Variants in MOV10L1 observed in about 807,000 individuals in gnomAD.
MOV10L1 encodes Mov10 like RNA helicase 1, also known as RNA helicase Mov10l1.
A neutral mutation model predicts 143.8 loss-of-function variants in MOV10L1; 110 were observed. That is an observed-to-expected ratio of 0.76 (90% CI 0.66 to 0.90). MOV10L1 has a LOEUF of 0.90. Ranked by LOEUF, MOV10L1 falls within the 40% of genes least tolerant of loss-of-function variation. The pLI, the probability that MOV10L1 is intolerant of heterozygous loss-of-function variation, is 0.00. For missense variants in MOV10L1, 1,406 were observed against 1,526.8 expected, an observed-to-expected ratio of 0.92 and a Z score of 1.32; for synonymous variants, 593 against 581.1, an observed-to-expected ratio of 1.02 and a Z score of -0.29.
chr22:50,135,046 C>A lies in MOV10L1; in HGVS notation c.2070+416C>A, dbSNP rs969491996. On this transcript the variant is annotated intron_variant, in intron 15 of 26. Transcript: ENST00000262794. ...CTTTTTTTTTTGAGACAGAGTCTCG[C>A]TCTGTCACCCAGGCTGGAGTGCAGT... is the stretch of plus-strand genomic sequence containing the variant. Among the ~76,000 whole-genome samples the A allele has an allele frequency of 5.4e-5, 8 of 147,644 alleles. No homozygotes were observed. In the Admixed American group the frequency reaches 5.6e-4, roughly 10 times the overall value.
chr22:50,142,943 C>T, intron 16 of MOV10L1, 100 bp from the exon 17 acceptor site: 1 of 1,126,912 alleles, frequency 8.9e-7, no homozygotes, highest in Non-Finnish European at 1.3e-6. Context: ...CTGATTTAGC[C>T]TTTGCACAGA....
At chr22:50,150,638 TG>T in intron 20 of MOV10L1, 96 bp from the exon 21 acceptor site, 1 of 1,369,622 alleles carries the variant, frequency 7.3e-7, no homozygotes, top group Non-Finnish European at 1.0e-6. Flanking sequence ...AGAGTGAGCA[TG>T]GGGCCATCCT....
chr22:50,135,011 T>C (rs1021023247), intron 15 of MOV10L1, among the ~76,000 whole-genome samples: 1 of 151,982 alleles, frequency 6.6e-6, no homozygotes, highest in Non-Finnish European at 1.5e-5. Context: ...TTTTCTTTTT[T>C]CTTTTCTTTC....
At chr22:50,115,898 G>GA (rs1305528039) in intron 8 of MOV10L1, among the ~76,000 whole-genome samples, 1 of 152,218 alleles carries the variant, frequency 6.6e-6, no homozygotes, top group Non-Finnish European at 1.5e-5. Flanking sequence ...ACAGTGTGCT[G>GA]AGGGAGGGGC....
intron 1 of MOV10L1, chr22:50,090,871 T>TC (rs1302706148): frequency 3.6e-6 from 1 of 281,538 alleles, no homozygotes; most frequent in African/African-American, 2.2e-5. Context: ...GAGGGGGGGT[T>TC]CGCCATGTTG....
chr22:50,142,125 G>C lies in MOV10L1; in HGVS notation c.2115G>C (p.Glu705Asp), dbSNP rs747896204. The C allele has an allele frequency of 2.5e-6, 4 of 1,613,708 alleles. No homozygotes were observed. The Admixed American group carries it at 6.7e-5, about 27-fold the overall frequency. ...ACCAAGCTGAGCATGGAACAGAGGAGAGGCGTGTTGGTGACAAGGACCTGC... is the reference window on the plus strand; with the variant it reads ...ACCAAGCTGAGCATGGAACAGAGGACAGGCGTGTTGGTGACAAGGACCTGC... ...MTDQAEHGTE[E>D]RRVGDKDLPV... Residue 705 changes from glutamate (E) to aspartate (D), a missense_variant, in exon 16 of 27, where the codon GAG becomes GAC. By Grantham distance (45) the Glu-to-Asp change is conservative. Coordinates refer to ENST00000262794, the MANE Select transcript of MOV10L1 (RefSeq NM_018995.3).
intron 5 of MOV10L1, among the ~76,000 whole-genome samples, chr22:50,113,397 G>T (rs1249704226): frequency 6.6e-6 from 1 of 152,148 alleles, no homozygotes; most frequent in African/African-American, 2.4e-5. Context: ...GCACGTTCAG[G>T]ACACCGTTCT....
intron 12 of MOV10L1, among the ~76,000 whole-genome samples, chr22:50,127,833 T>C (rs991008486): frequency 6.6e-6 from 1 of 151,708 alleles, no homozygotes; most frequent in African/African-American, 2.4e-5. Flanking sequence ...AGTACAGTGG[T>C]ACGATCTTGG....
intron 1 of MOV10L1, chr22:50,091,382 C>G (rs987160782): frequency 1.8e-5 from 3 of 167,208 alleles, no homozygotes; most frequent in East Asian, 1.9e-4. Context: ...GCTCCTGGGC[C>G]AGACTTGTCT....
In MOV10L1 at chr22:50,100,718, T is replaced by G. The variant is rs922271603; in HGVS notation, c.442+1116T>G. 1.6e-4 allele frequency among the ~76,000 whole-genome samples: 24 copies of G among 151,976 alleles called. 1 individual carries two copies. Among genetic ancestry groups the G allele is most frequent in the Admixed American group, 1.2e-3 (18 of 15,268 alleles). On this transcript the variant is annotated intron_variant, in intron 3 of 26. Coordinates refer to ENST00000262794, the MANE Select transcript of MOV10L1 (RefSeq NM_018995.3). ...GACAGGGTTTCACCATGTTGGCCAG[T>G]CTGGTCTTGAACTCCTGACCTTGTG...
intron 17 of MOV10L1, 49 bp downstream of exon 17, chr22:50,143,270 G>A: frequency 1.3e-6 from 2 of 1,568,380 alleles, no homozygotes; most frequent in South Asian, 1.1e-5. Flanking sequence ...TGCTGTTCAT[G>A]TGTCGTCTGT....
chr22:50,129,011 G>T (rs2062596065), intron 13 of MOV10L1, among the ~76,000 whole-genome samples: 1 of 152,100 alleles, frequency 6.6e-6, no homozygotes. Flanking sequence ...TCTTGAGTAT[G>T]TCTGTTGACA....
intron 13 of MOV10L1, among the ~76,000 whole-genome samples, chr22:50,132,581 T>C (rs1184916907): frequency 1.3e-5 from 2 of 152,256 alleles, no homozygotes; most frequent in African/African-American, 4.8e-5. Flanking sequence ...AAACAGTAAA[T>C]TTAACTTAAA....
At chr22:50,113,285 A>G (rs919598280) in intron 5 of MOV10L1, among the ~76,000 whole-genome samples, 11 of 152,238 alleles carry the variant, frequency 7.2e-5, no homozygotes, top group African/African-American at 2.4e-4. Flanking sequence ...GGCAAGGCCC[A>G]TGCTTCCCCC....
At chr22:50,100,009 C>G (rs1388339736) in intron 3 of MOV10L1, among the ~76,000 whole-genome samples, 1 of 150,186 alleles carries the variant, frequency 6.7e-6, no homozygotes, top group Non-Finnish European at 1.5e-5. Context: ...TTTTGTTTTT[C>G]GAGATGGAGT....
At chr22:50,098,771 G>T (rs183791127) in intron 2 of MOV10L1, among the ~76,000 whole-genome samples, 1 of 152,136 alleles carries the variant, frequency 6.6e-6, no homozygotes, top group Non-Finnish European at 1.5e-5. Context: ...GAAAGCTTTC[G>T]GCCTTTCACC....
intron 6 of MOV10L1, 122 bp downstream of exon 6, chr22:50,113,910 T>TTA: frequency 4.0e-5 from 31 of 781,176 alleles, no homozygotes; most frequent in South Asian, 6.6e-5. Flanking sequence ...TGAAGATCTT[T>TTA]TCTTTTTTTT....
chr22:50,151,252 C>G (rs1010858732), intron 21 of MOV10L1, among the ~76,000 whole-genome samples: 1 of 152,246 alleles, frequency 6.6e-6, no homozygotes, highest in Non-Finnish European at 1.5e-5. Context: ...GGTCTGGGCT[C>G]TCAGCCAACC....
chr22:50,092,161 G>A lies in MOV10L1; in HGVS notation c.258G>A (p.Val86=), dbSNP rs891305910. The change falls in exon 2 of 27, where the codon GTG becomes GTA. Residue 86 remains valine (V), a synonymous_variant. Transcript: ENST00000262794. ...TTGCAGTTGTGGAAGAAAATAAAGTGTCCAATGGACTGAAAGCAATCAGGG... is the reference window on the plus strand; with the variant it reads ...TTGCAGTTGTGGAAGAAAATAAAGTATCCAATGGACTGAAAGCAATCAGGG... ...EVIAVVEENK[V]SNGLKAIRVE... is the part of the protein sequence containing the mutation. The A allele has an allele frequency of 3.7e-6, 6 of 1,613,962 alleles. No individual in the cohort carries two copies. The African/African-American group carries it at 8.0e-5, about 22-fold the overall frequency.
Sources: allele counts gnomAD v4.1 joint callset (sites outside exome capture counted in the v4.1 genomes callset), GRCh38; gene constraint gnomAD v4.1.1; transcripts MANE v1.5; gene names NCBI Gene and HGNC (gene_info 2026-07-23, HGNC 2026-07-21).